Variants in SEMA6B observed in about 807,000 individuals in gnomAD.
SEMA6B encodes the protein semaphorin 6B.
A neutral mutation model predicts 78.6 loss-of-function variants in SEMA6B; 47 were observed. The ratio of observed to expected loss-of-function variants is 0.60; its 90% CI spans 0.47 to 0.76. The LOEUF (loss-of-function observed/expected upper bound fraction) is 0.76, where lower values mean the gene tolerates loss of function less well. SEMA6B is among the 30% of genes least tolerant of loss of function. SEMA6B has a pLI of 0.00. For synonymous variants in SEMA6B, 632 were observed against 592.2 expected, an observed-to-expected ratio of 1.07 and a Z score of -0.98; for missense variants, 1,213 against 1,269.9, an observed-to-expected ratio of 0.96 and a Z score of 0.68.
chr19:4,557,103 G>T, intron 4 of SEMA6B, 60 bp downstream of exon 4: 1 of 1,590,414 alleles, frequency 6.3e-7, no homozygotes, highest in Non-Finnish European at 8.6e-7. Context: ...CCAGCTCCCC[G>T]GCGCAGTGCC....
Position 4,550,651 on chromosome 19 carries a change from A to T in SEMA6B, c.1121+148T>A. 1 of 1,009,050 alleles carries T rather than the reference A, an allele frequency of 9.9e-7. No individual in the cohort carries two copies. The highest frequency in any genetic ancestry group is 1.4e-6 in the Non-Finnish European group (1 of 693,898). 62.5% of individuals were successfully genotyped at this position (1,009,050 alleles called of 1,614,324 possible). ...AGGGCTAGGATTACAGGCGTGAGCC[A>T]CCACACCAGGCCTCAGTTTTTCCCA... On this transcript the variant is annotated intron_variant, in intron 11 of 16. Transcript: ENST00000586582. The surrounding 1 kb of genome is among the most constrained non-coding windows in gnomAD (Gnocchi z 6.6).
chr19:4,547,748 A>AC (rs1319875339), intron 14 of SEMA6B, among the ~76,000 whole-genome samples: 1 of 151,772 alleles, frequency 6.6e-6, no homozygotes, highest in Non-Finnish European at 1.5e-5. Context: ...CGAGGCTCAC[A>AC]AAGCTCTGCA....
rs947512015 is a variant in SEMA6B at position 4,543,481 on chromosome 19, TGGGTCGCGGGG to T, written c.*109_*119del. 25 of 267,030 alleles carry T rather than the reference TGGGTCGCGGGG, an allele frequency of 9.4e-5. No homozygotes were observed. The highest frequency in any genetic ancestry group is 1.4e-4 in the Non-Finnish European group (22 of 160,472). The allele number at this position is 267,030 out of a possible 1,614,324, so 16.5% of individuals were successfully genotyped here. On this transcript the variant is annotated 3_prime_UTR_variant, in exon 17 of 17. Coordinates refer to ENST00000586582, the MANE Select transcript of SEMA6B (RefSeq NM_032108.4). Reference sequence around the variant, plus strand: ...CGGAGGGGGCCCCCCACTCCGCGGGTGGGTCGCGGGGGGGACTTGAGCACCCACTCGGAGTT... The same window carrying T: ...CGGAGGGGGCCCCCCACTCCGCGGGTGGGACTTGAGCACCCACTCGGAGTT...
rs1977537133 is a variant in SEMA6B at position 4,558,494 on chromosome 19, G to A, written c.-32-5C>T. On this transcript the variant is annotated splice_region_variant and splice_polypyrimidine_tract_variant and intron_variant, in intron 1 of 16. Transcript: ENST00000586582. This position sits in a 1 kb window ranked among gnomAD's most constrained non-coding sequence, Gnocchi z 5.1. ...GGCGACAGGAGGAGGTGACGCCTGCGGGCAAGGGGCGGCGAGGTGAGCGGC... is the reference window on the plus strand; with the variant it reads ...GGCGACAGGAGGAGGTGACGCCTGCAGGCAAGGGGCGGCGAGGTGAGCGGC... 4.0e-6 allele frequency: 5 copies of A among 1,235,722 alleles called. No homozygotes were observed. Among genetic ancestry groups the A allele is most frequent in the Non-Finnish European group, 5.1e-6 (5 of 987,964 alleles). 76.5% of individuals were successfully genotyped at this position (1,235,722 alleles called of 1,614,324 possible).
chr19:4,543,615 G>A lies in SEMA6B; in HGVS notation c.2653C>T (p.Pro885Ser), dbSNP rs1344522389. 1.6e-6 allele frequency: 2 copies of A among 1,234,188 alleles called. No homozygotes were observed. Among genetic ancestry groups the A allele is most frequent in the East Asian group, 3.1e-5 (1 of 32,112 alleles). 76.5% of individuals were successfully genotyped at this position (1,234,188 alleles called of 1,614,324 possible). The change falls in exon 17 of 17, where the codon CCC becomes TCC. Residue 885 changes from proline to serine, a missense_variant. Transcript: ENST00000586582. ...LPYGGADRTA[P>S]PVP The stretch of plus-strand genomic sequence containing the variant: ...GGGCCCCCGGCCTAGGGCACGGGGG[G>A]CGCAGTCCTGTCCGCCCCCCCATAG...
rs370224078 is a variant in SEMA6B at position 4,546,136 on chromosome 19, G to C, written c.1738+80C>G. 1.8e-5 allele frequency: 25 copies of C among 1,396,944 alleles called. No individual in the cohort carries two copies. The South Asian group carries it at 2.2e-4, about 12-fold the overall frequency. 86.5% of individuals were successfully genotyped at this position (1,396,944 alleles called of 1,614,324 possible). ...TCCCCACCCACCTCCCAGAGGATTC[G>C]AGGGTCCTCCAGCCTCCTCCCTCCC... On this transcript the variant is annotated intron_variant, in intron 16 of 16. Transcript: ENST00000586582.
In SEMA6B at chr19:4,559,576, A is replaced by C. The variant is rs1977562927; in HGVS notation, c.-79T>G. On this transcript the variant is annotated 5_prime_UTR_variant, in exon 1 of 17. It removes the in-frame stop codon of an upstream open reading frame in the 5' UTR. Transcript: ENST00000586582. ...TCCCGGAGCCCCGAATGAGAAGTTC[A>C]GCAGCCTCGTCCTTCTGGGAAGTAT... 6.6e-6 allele frequency: 1 copy of C among 152,284 alleles called. No homozygotes were observed. The highest frequency in any genetic ancestry group is 2.4e-5 in the African/African-American group (1 of 41,452). 9.4% of individuals were successfully genotyped at this position (152,284 alleles called of 1,614,324 possible).
rs1163012496 is a variant in SEMA6B at position 4,555,452 on chromosome 19, T to TG, written c.562+21dup. On this transcript the variant is annotated intron_variant, in intron 7 of 16. Coordinates refer to ENST00000586582, the MANE Select transcript of SEMA6B (RefSeq NM_032108.4). The surrounding 1 kb of genome is among the most constrained non-coding windows in gnomAD (Gnocchi z 6.1). ...TTGCCTGTGGCTGGGGCTGATCAGA[T>TG]GGAGGTTGGGGGGGTACTTACCAGA... 2 of 1,597,246 alleles carry TG rather than the reference T, an allele frequency of 1.3e-6. No homozygotes were observed. The highest frequency in any genetic ancestry group is 2.7e-5 in the African/African-American group (2 of 74,138).
Position 4,555,475 on chromosome 19 carries a change from AGAG to A in SEMA6B, c.558_560del (p.Ser187del). The A allele has an allele frequency of 6.2e-7, 1 of 1,611,472 alleles. No individual in the cohort carries two copies. The highest frequency in any genetic ancestry group is 1.1e-5 in the South Asian group (1 of 90,822). ...GATGGAGGTTGGGGGGGTACTTACCAGAGAAGAGGGCAACATTGGCGTGCTTGG... is the reference window on the plus strand; with the variant it reads ...GATGGAGGTTGGGGGGGTACTTACCAAAGAGGGCAACATTGGCGTGCTTGG... On this transcript the variant is annotated inframe_deletion and splice_region_variant, in exon 7 of 17. Coordinates refer to ENST00000586582, the MANE Select transcript of SEMA6B (RefSeq NM_032108.4). The surrounding 1 kb of genome is among the most constrained non-coding windows in gnomAD (Gnocchi z 6.1).
rs1312591122 is a variant in SEMA6B at position 4,552,290 on chromosome 19, C to T, written c.989+132G>A. 1.5e-5 allele frequency: 13 copies of T among 870,046 alleles called. No homozygotes were observed. The highest frequency in any genetic ancestry group is 2.3e-5 in the Non-Finnish European group (13 of 566,680). 53.9% of individuals were successfully genotyped at this position (870,046 alleles called of 1,614,324 possible). A position where few individuals can be genotyped will look rare whatever the true frequency, so the allele number is the denominator to read the frequency against. ...CAGCTTGTCCCACCCCAGCCTGGGG[C>T]CGAGGCCTCTCAGAGGTCTAATCCA... On this transcript the variant is annotated intron_variant, in intron 10 of 16. Coordinates refer to ENST00000586582, the MANE Select transcript of SEMA6B (RefSeq NM_032108.4). This position sits in a 1 kb window ranked among gnomAD's most constrained non-coding sequence, Gnocchi z 7.4.
rs1599772037 is a variant in SEMA6B at position 4,544,245 on chromosome 19, C to T, written c.2023G>A (p.Val675Ile). The change falls in exon 17 of 17, where the codon GTT (valine) becomes ATT (isoleucine). Residue 675 changes from valine (V) to isoleucine (I), a missense_variant. By Grantham distance (29) the Val-to-Ile change is conservative. Coordinates refer to ENST00000586582, the MANE Select transcript of SEMA6B (RefSeq NM_032108.4). The surrounding 1 kb of genome is among the most constrained non-coding windows in gnomAD (Gnocchi z 5.1). ...RGGGGGGGAGVPPEALLAPLM... is the reference protein window; with the variant it reads ...RGGGGGGGAGIPPEALLAPLM... ...GGCGCCAGCAGGGCCTCCGGGGGAA[C>T]CCCGGCGCCACCGCCACCGCCTCCG... 1.6e-6 allele frequency: 2 copies of T among 1,279,006 alleles called. No individual in the cohort carries two copies. The highest frequency in any genetic ancestry group is 2.0e-6 in the Non-Finnish European group (2 of 1,016,510). The allele number at this position is 1,279,006 out of a possible 1,614,324, so 79.2% of individuals were successfully genotyped here. A position where few individuals can be genotyped will look rare whatever the true frequency, so the allele number is the denominator to read the frequency against.
At chr19:4,545,705 C>T (rs10426311) in intron 16 of SEMA6B, 84,956 of 152,648 alleles carry the variant, frequency 0.56, 24,274 homozygotes, top group East Asian at 0.88. Flanking sequence ...CAAAGCCTGC[C>T]TGTTTCTTGG....
chr19:4,546,309 C>G, intron 15 of SEMA6B, 35 bp from the exon 16 acceptor site: 2 of 1,610,484 alleles, frequency 1.2e-6, no homozygotes, highest in Non-Finnish European at 1.7e-6. Flanking sequence ...AGCAGAGGCC[C>G]CTCTCACAGT....
In SEMA6B at chr19:4,555,214, A is replaced by T. The variant is rs1568257856; in HGVS notation, c.563-119T>A. ...TGAGCCTAGGGGAGCCCCTGTCTCC[A>T]GGCTGAGCCCTGATCCCATCCAAGC... is the stretch of plus-strand genomic sequence containing the variant. On this transcript the variant is annotated intron_variant, in intron 7 of 16. Coordinates refer to ENST00000586582, the MANE Select transcript of SEMA6B (RefSeq NM_032108.4). The surrounding 1 kb of genome is among the most constrained non-coding windows in gnomAD (Gnocchi z 6.1). 1 of 1,135,120 alleles carries T rather than the reference A, an allele frequency of 8.8e-7. No homozygotes were observed. The allele number at this position is 1,135,120 out of a possible 1,614,324, so 70.3% of individuals were successfully genotyped here.
rs1349539724 is a variant in SEMA6B at position 4,547,967 on chromosome 19, C to T, written c.1601+60G>A. 5 of 1,481,050 alleles carry T rather than the reference C, an allele frequency of 3.4e-6. No homozygotes were observed. In the East Asian group the frequency reaches 1.2e-4, roughly 35 times the overall value. 91.7% of individuals were successfully genotyped at this position (1,481,050 alleles called of 1,614,324 possible). A position where few individuals can be genotyped will look rare whatever the true frequency, so the allele number is the denominator to read the frequency against. On this transcript the variant is annotated intron_variant, in intron 14 of 16. Transcript: ENST00000586582. ...GGCTTTTGACTGGAACCCAGCTGTCCCTCCCTGTGCCCATCCTCCCTTGCT... is the reference window on the plus strand; with the variant it reads ...GGCTTTTGACTGGAACCCAGCTGTCTCTCCCTGTGCCCATCCTCCCTTGCT...
In SEMA6B at chr19:4,550,761, C is replaced by T. The variant is rs776380844; in HGVS notation, c.1121+38G>A. 1.2e-5 allele frequency: 19 copies of T among 1,610,506 alleles called. No homozygotes were observed. The highest frequency in any genetic ancestry group is 2.2e-5 in the East Asian group (1 of 44,826). ...CCCTCGGCCCTGGGGATCAGGACCT[C>T]ATCCGGGCATGTGACTCAGGATGGA... On this transcript the variant is annotated intron_variant, in intron 11 of 16. Transcript: ENST00000586582. The surrounding 1 kb of genome is among the most constrained non-coding windows in gnomAD (Gnocchi z 6.6).
intron 12 of SEMA6B, among the ~76,000 whole-genome samples, chr19:4,549,172 T>C (rs1352598318): frequency 6.6e-6 from 1 of 152,040 alleles, no homozygotes; most frequent in Non-Finnish European, 1.5e-5. Context: ...TTTCAGTCTC[T>C]TTCTCTCTTT....
At position 4,552,407 on chromosome 19, in the gene SEMA6B, T is replaced by C. The variant is rs949288915; in HGVS notation, c.989+15A>G. ...ACCAAATGCTCCCAGTTTGCTCCCA[T>C]TGGTGGGCGCTGACCTGTTGCTGGG... On this transcript the variant is annotated intron_variant, in intron 10 of 16. Coordinates refer to ENST00000586582, the MANE Select transcript of SEMA6B (RefSeq NM_032108.4). This position sits in a 1 kb window ranked among gnomAD's most constrained non-coding sequence, Gnocchi z 7.4. The C allele has an allele frequency of 1.3e-6, 2 of 1,560,578 alleles. No individual in the cohort carries two copies. Among genetic ancestry groups the C allele is most frequent in the Non-Finnish European group, 1.7e-6 (2 of 1,152,382 alleles).
chr19:4,549,834 A>T (rs1321733160), intron 12 of SEMA6B, among the ~76,000 whole-genome samples: 1 of 151,150 alleles, frequency 6.6e-6, no homozygotes, highest in Non-Finnish European at 1.5e-5. Flanking sequence ...GGTGGTCTCG[A>T]ATTCCTGGCC....
Sources: allele counts gnomAD v4.1 joint callset (sites outside exome capture counted in the v4.1 genomes callset), GRCh38; gene constraint gnomAD v4.1.1; non-coding constraint Gnocchi (gnomAD v3.1); transcripts MANE v1.5; gene names NCBI Gene and HGNC (gene_info 2026-07-23, HGNC 2026-07-21).